Variants in HTR2C observed in about 807,000 individuals in gnomAD.
HTR2C encodes 5-hydroxytryptamine receptor 2C.
HTR2C carries 5 observed loss-of-function variants against 21.0 expected under a neutral mutation model. The ratio of observed to expected loss-of-function variants is 0.24; its 90% CI spans 0.12 to 0.50. HTR2C has a LOEUF of 0.50. Among genes scored for constraint, HTR2C ranks in the 20% least tolerant of loss-of-function variants. The pLI is 0.98. For missense variants in HTR2C, 271 were observed against 371.2 expected (o/e 0.73, Z 2.22); for synonymous variants, 150 against 145.3 (o/e 1.03, Z -0.23).
intron 2 of HTR2C, among the ~76,000 whole-genome samples, chrX:114,699,243 G>T (rs1932382080): frequency 8.9e-6 from 1 of 111,940 alleles, no homozygotes; most frequent in Admixed American, 9.5e-5. Context: ...CTGAAACACA[G>T]CTCTTTTTTC....
intron 5 of HTR2C, among the ~76,000 whole-genome samples, chrX:114,901,411 CACTT>C (rs1330999402): frequency 1.8e-5 from 2 of 111,591 alleles, no homozygotes; most frequent in Non-Finnish European, 3.8e-5. Context: ...TCATAATAAA[CACTT>C]AATGAATGAT....
chrX:114,630,731 C>CA, intron 2 of HTR2C: 2 of 219,444 alleles, frequency 9.1e-6, no homozygotes, highest in South Asian at 1.1e-4. Flanking sequence ...GTCACCTACC[C>CA]ACTCCCTCCT....
At chrX:114,795,121 T>C (rs1349417086) in intron 4 of HTR2C, among the ~76,000 whole-genome samples, 9 of 111,568 alleles carry the variant, frequency 8.1e-5, no homozygotes, top group African/African-American at 2.9e-4. Context: ...ATTTCTCTGA[T>C]GGCCAGTGAT....
At chrX:114,611,335 G>T (rs1928724732) in intron 1 of HTR2C, among the ~76,000 whole-genome samples, 1 of 111,828 alleles carries the variant, frequency 8.9e-6, no homozygotes, top group Admixed American at 9.5e-5. Flanking sequence ...GGTCATTAAT[G>T]TGTATTGAGA....
At chrX:114,614,033 A>G (rs1556399305) in intron 2 of HTR2C, among the ~76,000 whole-genome samples, 152 bp downstream of exon 2, 1 of 110,747 alleles carries the variant, frequency 9.0e-6, no homozygotes, top group African/African-American at 3.3e-5. Flanking sequence ...TTGAAAAAGA[A>G]TATTATGTAA....
chrX:114,848,698 T>A (rs1470836183), intron 5 of HTR2C, among the ~76,000 whole-genome samples: 1 of 111,231 alleles, frequency 9.0e-6, no homozygotes, highest in Non-Finnish European at 1.9e-5. Context: ...AAATTTTTGT[T>A]GCTATGACAC....
At chrX:114,694,513 A>G (rs1932216756) in intron 2 of HTR2C, among the ~76,000 whole-genome samples, 1 of 53,706 alleles carries the variant, frequency 1.9e-5, no homozygotes, top group Admixed American at 2.3e-4. Context: ...ATTTAGACAG[A>G]GTCTCATTCT....
intron 2 of HTR2C, among the ~76,000 whole-genome samples, chrX:114,635,448 A>G (rs1929805525): frequency 8.9e-6 from 1 of 112,124 alleles, no homozygotes; most frequent in Admixed American, 9.5e-5. Flanking sequence ...AACAGTGGAA[A>G]TGACTGAATA....
chrX:114,628,729 G>T (rs1433333936), intron 2 of HTR2C, among the ~76,000 whole-genome samples: 1 of 111,408 alleles, frequency 9.0e-6, no homozygotes, highest in African/African-American at 3.3e-5. Flanking sequence ...CATCACCAAA[G>T]GTAGTGATAG....
At chrX:114,904,828 C>G (rs1209390653) in intron 5 of HTR2C, among the ~76,000 whole-genome samples, 2 of 110,175 alleles carry the variant, frequency 1.8e-5, no homozygotes, top group African/African-American at 6.6e-5. Context: ...TAGAGATTAC[C>G]TTACGTTTAT....
intron 4 of HTR2C, among the ~76,000 whole-genome samples, chrX:114,740,185 A>G (rs1556425096): frequency 9.1e-6 from 1 of 109,697 alleles, no homozygotes; most frequent in African/African-American, 3.3e-5. Context: ...ACATTTATAT[A>G]TATATATATG....
At chrX:114,881,835 T>C (rs1323206859) in intron 5 of HTR2C, among the ~76,000 whole-genome samples, 3 of 110,293 alleles carry the variant, frequency 2.7e-5, no homozygotes, top group Non-Finnish European at 5.7e-5. Flanking sequence ...CTGAGTCCTT[T>C]GCAATTTCAT....
rs1481543787 is a variant in HTR2C, at chrX:114,589,654, G to C, written c.-147+4995G>C. 1.5e-5 allele frequency: 3 copies of C among 193,753 alleles called. No homozygotes were observed. The East Asian group carries it at 4.0e-4, about 26-fold the overall frequency. The allele number at this position is 193,753 out of a possible 1,213,427, so 16.0% of individuals were successfully genotyped here. A position where few individuals can be genotyped will look rare whatever the true frequency, so the allele number is the denominator to read the frequency against. On this transcript the variant is annotated intron_variant, in intron 1 of 5. Transcript: ENST00000276198. ...GTTCCTAAAACTCACAAGACTTAAA[G>C]AAGTGTGGCTAGCACCAACCCCACA...
intron 2 of HTR2C, among the ~76,000 whole-genome samples, chrX:114,669,851 A>G (rs782154927): frequency 3.2e-4 from 36 of 112,713 alleles, no homozygotes; most frequent in Non-Finnish European, 5.8e-4. Flanking sequence ...TACAACAACT[A>G]TTTACAATAA....
intron 3 of HTR2C, among the ~76,000 whole-genome samples, chrX:114,729,090 G>C (rs1241616191): frequency 8.9e-6 from 1 of 111,941 alleles, no homozygotes; most frequent in Non-Finnish European, 1.9e-5. Flanking sequence ...TTTTTTATCA[G>C]CTAGGCCAGA....
chrX:114,644,483 A>G (rs1373234634), intron 2 of HTR2C, among the ~76,000 whole-genome samples: 1 of 96,900 alleles, frequency 1.0e-5, no homozygotes, highest in African/African-American at 3.8e-5. Flanking sequence ...AATGAGCTTT[A>G]TGAGCCTCGG....
chrX:114,601,963 T>C (rs1556394651), intron 1 of HTR2C, among the ~76,000 whole-genome samples: 2 of 99,363 alleles, frequency 2.0e-5, no homozygotes, highest in South Asian at 5.2e-4. Context: ...TATAGAATGA[T>C]TGGTGATGGC....
rs782515571 is a variant in HTR2C, at chrX:114,775,897, T to C, written c.349+44290T>C. ...CTTTAAATTGGGCACAGGCAATGGA[T>C]GTACAGAAGTCAATTCATTCTTAGA... On this transcript the variant is annotated intron_variant, in intron 4 of 5. Coordinates refer to ENST00000276198, the MANE Select transcript of HTR2C (RefSeq NM_000868.4). 3 of 374,079 alleles carry C rather than the reference T, an allele frequency of 8.0e-6. No individual in the cohort carries two copies. In the Admixed American group the frequency reaches 1.3e-4, roughly 16 times the overall value. The allele number at this position is 374,079 out of a possible 1,213,427, so 30.8% of individuals were successfully genotyped here.
chrX:114,805,890 CAT>C (rs1401372471), intron 4 of HTR2C, among the ~76,000 whole-genome samples: 8 of 86,767 alleles, frequency 9.2e-5, no homozygotes, highest in African/African-American at 1.4e-4. Context: ...ATATGTATAC[CAT>C]ATATATACAT....
Sources: gnomAD v4.1 joint callset for allele counts (sites outside exome capture counted in the v4.1 genomes callset) on GRCh38, gnomAD v4.1.1 for gene constraint, MANE v1.5 for transcripts, NCBI Gene and HGNC (gene_info 2026-07-23, HGNC 2026-07-21) for gene names.